The following NBEA variants were observed in gnomAD, a reference collection of about 807,000 sequenced individuals.
NBEA encodes the protein neurobeachin.
NBEA carries 44 observed loss-of-function variants against 343.4 expected under a neutral mutation model. That is an observed-to-expected ratio of 0.13 (90% CI 0.10 to 0.16). The LOEUF (loss-of-function observed/expected upper bound fraction) is 0.16, where lower values mean the gene tolerates loss of function less well. NBEA is among the 10% of genes least tolerant of loss of function. The probability of loss-of-function intolerance (pLI) is 1.00; values close to 1 mark genes in which losing one functional copy is unlikely to be tolerated. For missense variants in NBEA, 2,555 were observed against 3,631.3 expected (o/e 0.70, Z 7.62); for synonymous variants, 1,175 against 1,238.7 (o/e 0.95, Z 1.08).
chr13:35,612,253 C>T (rs1290697728), intron 48 of NBEA, among the ~76,000 whole-genome samples: 1 of 152,102 alleles, frequency 6.6e-6, no homozygotes. Context: ...CTGCCACAGC[C>T]TCCTGAGTAG....
At chr13:35,333,050 A>G (rs2039024819) in intron 36 of NBEA, among the ~76,000 whole-genome samples, 1 of 152,122 alleles carries the variant, frequency 6.6e-6, no homozygotes, top group Non-Finnish European at 1.5e-5. Flanking sequence ...GATCCTTAAG[A>G]AAGGCTGATA....
intron 36 of NBEA, among the ~76,000 whole-genome samples, chr13:35,316,611 T>C (rs1291851980): frequency 1.3e-5 from 2 of 152,194 alleles, no homozygotes; most frequent in Non-Finnish European, 1.5e-5. Flanking sequence ...TATAATCCTT[T>C]GGGTATATAC....
At chr13:35,280,714 A>G (rs866430094) in intron 34 of NBEA, among the ~76,000 whole-genome samples, 34 of 152,140 alleles carry the variant, frequency 2.2e-4, no homozygotes, top group African/African-American at 7.7e-4. Context: ...CACACTACTT[A>G]TAGAATCAAA....
At position 35,417,717 on chromosome 13, in the gene NBEA, T is replaced by C. The variant is rs1394494317; in HGVS notation, c.6180-14552T>C. On this transcript the variant is annotated intron_variant, in intron 38 of 58. Coordinates refer to ENST00000379939, the MANE Select transcript of NBEA (RefSeq NM_001385012.1). Reference sequence around the variant, plus strand: ...CTGAGAAGAATGCATATTCTGTTGATGTGGGGTGGAGGTTCTGTAGATGTC... The same window carrying C: ...CTGAGAAGAATGCATATTCTGTTGACGTGGGGTGGAGGTTCTGTAGATGTC... Among the ~76,000 whole-genome samples, 9 of 152,212 alleles carry C rather than the reference T, an allele frequency of 5.9e-5. No individual in the cohort carries two copies. The East Asian group carries it at 1.7e-3, about 29-fold the overall frequency.
At chr13:35,582,677 CA>C (rs879781631) in intron 45 of NBEA, among the ~76,000 whole-genome samples, 1 of 151,932 alleles carries the variant, frequency 6.6e-6, no homozygotes, top group Non-Finnish European at 1.5e-5. Context: ...TTAAAGTTAA[CA>C]AAAAATGAAC....
At chr13:35,386,388 T>G (rs1316388464) in intron 38 of NBEA, among the ~76,000 whole-genome samples, 4 of 152,192 alleles carry the variant, frequency 2.6e-5, no homozygotes, top group Non-Finnish European at 1.5e-5. Context: ...ATATTTCTAC[T>G]ACATAGTCTG....
At chr13:35,109,210 T>A (rs776024403) in intron 11 of NBEA, 80 bp from the exon 12 acceptor site, 132 of 1,265,074 alleles carry the variant, frequency 1.0e-4, no homozygotes, top group Non-Finnish European at 1.4e-4. Context: ...GAAAAATTCA[T>A]GTGTCCTTAT....
rs1398510922 is a variant in NBEA at position 35,124,730 on chromosome 13, A to C, written c.2336+1156A>C. 9.2e-5 allele frequency among the ~76,000 whole-genome samples: 14 copies of C among 151,608 alleles called. No individual in the cohort carries two copies. The South Asian group carries it at 2.9e-3, about 31-fold the overall frequency. On this transcript the variant is annotated intron_variant, in intron 17 of 58. Transcript: ENST00000379939. ...TATATGTATGGATATATATACACAT[A>C]TGTATGGATATATACACACATATGT...
chr13:35,308,458 ATATATATATATATATG>A (rs1566596935), intron 35 of NBEA, among the ~76,000 whole-genome samples: 4 of 118,466 alleles, frequency 3.4e-5, no homozygotes, highest in Non-Finnish European at 4.8e-5. Context: ...ATATATATAT[ATATATATATATATATG>A]TATATATATA....
chr13:35,116,977 CAG>C (rs2066527257), intron 13 of NBEA, among the ~76,000 whole-genome samples: 1 of 151,676 alleles, frequency 6.6e-6, no homozygotes, highest in Non-Finnish European at 1.5e-5. Context: ...TGCAATAAAA[CAG>C]AGTGTCATTT....
At chr13:34,951,984 C>T (rs182212360) in intron 1 of NBEA, among the ~76,000 whole-genome samples, 88 of 152,290 alleles carry the variant, frequency 5.8e-4, no homozygotes, top group African/African-American at 2.0e-3. Context: ...GAATTGAACA[C>T]AGCAGTGTCC....
chr13:35,082,084 A>C (rs1384777152), intron 10 of NBEA, among the ~76,000 whole-genome samples: 1 of 151,892 alleles, frequency 6.6e-6, no homozygotes, highest in Non-Finnish European at 1.5e-5. Flanking sequence ...ACCCCACAAC[A>C]GGCCCCAGTG....
chr13:35,095,486 AT>A (rs1217529885), intron 10 of NBEA, among the ~76,000 whole-genome samples: 1 of 151,698 alleles, frequency 6.6e-6, no homozygotes, highest in African/African-American at 2.4e-5. Context: ...TATTTCTTTC[AT>A]TTTTTTCCCA....
rs142615743 is a variant in NBEA at position 35,130,393 on chromosome 13, ATTAC to A, written c.2336+6823_2336+6826del. Among the ~76,000 whole-genome samples the A allele has an allele frequency of 4.7e-3, 721 of 152,184 alleles. 6 individuals are homozygous for A. The highest frequency in any genetic ancestry group is 6.9e-3 in the Non-Finnish European group (468 of 67,940). On this transcript the variant is annotated intron_variant, in intron 17 of 58. Coordinates refer to ENST00000379939, the MANE Select transcript of NBEA (RefSeq NM_001385012.1). ...CATATATTTTTAACTAGGTAAGTGTATTACTTATTCTAAAAATTAAATGATAAAA... is the reference window on the plus strand; with the variant it reads ...CATATATTTTTAACTAGGTAAGTGTATTATTCTAAAAATTAAATGATAAAA...
intron 38 of NBEA, among the ~76,000 whole-genome samples, chr13:35,372,144 T>C (rs1470517445): frequency 2.6e-5 from 4 of 152,192 alleles, no homozygotes; most frequent in Non-Finnish European, 1.5e-5. Flanking sequence ...GGTGGGTAGA[T>C]GGGCAGATTG....
Position 35,232,638 on chromosome 13 carries a change from A to C in NBEA, c.5776+19A>C. On this transcript the variant is annotated intron_variant, in intron 34 of 58. Transcript: ENST00000379939. ...ATAGAAGGTATGATTTCTCTATTAT[A>C]ATTATTTTAGTTTCCTATAATGTAT... 6.9e-7 allele frequency: 1 copy of C among 1,445,008 alleles called. No individual in the cohort carries two copies. The highest frequency in any genetic ancestry group is 1.4e-5 in the South Asian group (1 of 70,324). The allele number at this position is 1,445,008 out of a possible 1,614,324, so 89.5% of individuals were successfully genotyped here.
At chr13:35,231,172 C>G (rs1386236274) in intron 33 of NBEA, among the ~76,000 whole-genome samples, 1 of 151,996 alleles carries the variant, frequency 6.6e-6, no homozygotes. Flanking sequence ...GCTGTTGACA[C>G]GGGTAAGAGG....
At chr13:35,007,224 ATGAAG>A (rs2061348088) in intron 1 of NBEA, among the ~76,000 whole-genome samples, 1 of 152,044 alleles carries the variant, frequency 6.6e-6, no homozygotes, top group Admixed American at 6.5e-5. Context: ...CCTATCCTTC[ATGAAG>A]TGTAATTATA....
chr13:35,557,394 C>T (rs1166518214), intron 44 of NBEA, among the ~76,000 whole-genome samples: 2 of 152,122 alleles, frequency 1.3e-5, no homozygotes, highest in Admixed American at 6.6e-5. Flanking sequence ...ATAGAGATAA[C>T]ATTGTCATGC....
Sources: allele counts gnomAD v4.1 joint callset (sites outside exome capture counted in the v4.1 genomes callset), GRCh38; gene constraint gnomAD v4.1.1; transcripts MANE v1.5; gene names NCBI Gene and HGNC (gene_info 2026-07-23, HGNC 2026-07-21).